The following EXOC4 variants were observed in gnomAD, a reference collection of about 807,000 sequenced individuals.
The protein encoded by EXOC4 is exocyst complex component 4, also known as SEC8-like 1.
Under a neutral mutation model 107.2 loss-of-function variants are expected in EXOC4, and 71 were observed. The observed-to-expected ratio is 0.66, with a 90% confidence interval of 0.55 to 0.81. The LOEUF is 0.81. Among genes scored for constraint, EXOC4 ranks in the 30% least tolerant of loss-of-function variants. The probability of loss-of-function intolerance (pLI) is 0.00; values close to 1 mark genes in which losing one functional copy is unlikely to be tolerated. For synonymous variants in EXOC4, 456 were observed against 441.2 expected, an observed-to-expected ratio of 1.03 and a Z score of -0.42; for missense variants, 1,108 against 1,189.6, an observed-to-expected ratio of 0.93 and a Z score of 1.01.
chr7:133,952,459 T>A (rs752859865), intron 14 of EXOC4, among the ~76,000 whole-genome samples: 157 of 152,308 alleles, frequency 1.0e-3, no homozygotes, highest in Non-Finnish European at 6.9e-4. Context: ...TCTGCTAGGA[T>A]CTTAGGAGTG....
intron 10 of EXOC4, among the ~76,000 whole-genome samples, chr7:133,774,893 T>A (rs1585135986): frequency 1.3e-5 from 2 of 151,884 alleles, no homozygotes; most frequent in African/African-American, 4.8e-5. Flanking sequence ...CCCAGCTTGC[T>A]CCCCCGCCCC....
intron 7 of EXOC4, among the ~76,000 whole-genome samples, chr7:133,415,474 G>A (rs1797453750): frequency 6.6e-6 from 1 of 152,062 alleles, no homozygotes; most frequent in African/African-American, 2.4e-5. Flanking sequence ...GTGTGAGGTA[G>A]TATCTCATTG....
chr7:133,481,057 GAAAA>G (rs10686907), intron 9 of EXOC4: 1 of 142,402 alleles, frequency 7.0e-6, no homozygotes, highest in African/African-American at 2.6e-5. Flanking sequence ...CTCAAAAAAA[GAAAA>G]AAAAAAAAAC....
At chr7:133,747,186 T>A (rs764384754) in intron 10 of EXOC4, among the ~76,000 whole-genome samples, 1 of 152,202 alleles carries the variant, frequency 6.6e-6, no homozygotes, top group Non-Finnish European at 1.5e-5. Context: ...GGTCTGAGAC[T>A]TTTCTGAGCC....
intron 7 of EXOC4, among the ~76,000 whole-genome samples, chr7:133,394,960 T>C (rs540305744): frequency 6.6e-6 from 1 of 152,076 alleles, no homozygotes; most frequent in East Asian, 1.9e-4. Flanking sequence ...GAAATTAAAA[T>C]TGCTGTATTT....
At position 133,906,759 on chromosome 7, in the gene EXOC4, A is replaced by G. The variant is rs1366210313; in HGVS notation, c.1872-10824A>G. On this transcript the variant is annotated intron_variant, in intron 12 of 17. Coordinates refer to ENST00000253861, the MANE Select transcript of EXOC4 (RefSeq NM_021807.4). ...TCCCTCCAGATCCGGCAGGGTGTCCACTGTGCTCCTGATCCACCAAGGGGC... is the reference window on the plus strand; with the variant it reads ...TCCCTCCAGATCCGGCAGGGTGTCCGCTGTGCTCCTGATCCACCAAGGGGC... Among the ~76,000 whole-genome samples, 5 of 152,296 alleles carry G rather than the reference A, an allele frequency of 3.3e-5. No homozygotes were observed. The East Asian group carries it at 9.7e-4, about 29-fold the overall frequency.
At chr7:133,400,759 C>T (rs142527246) in intron 7 of EXOC4, among the ~76,000 whole-genome samples, 1 of 152,110 alleles carries the variant, frequency 6.6e-6, no homozygotes, top group African/African-American at 2.4e-5. Context: ...TTGAGGGGCT[C>T]TTGTGCCCTG....
chr7:133,991,710 C>A (rs922835060), intron 14 of EXOC4, among the ~76,000 whole-genome samples: 5 of 152,096 alleles, frequency 3.3e-5, no homozygotes, highest in Non-Finnish European at 7.4e-5. Flanking sequence ...AAAGAAACTG[C>A]CCTTTCCCCA....
intron 9 of EXOC4, among the ~76,000 whole-genome samples, chr7:133,510,347 A>G (rs1799746038): frequency 6.6e-6 from 1 of 152,118 alleles, no homozygotes; most frequent in Non-Finnish European, 1.5e-5. Flanking sequence ...AGTATACTGT[A>G]TTTTGTTTAT....
chr7:133,374,127 A>G (rs1215401883), intron 6 of EXOC4, among the ~76,000 whole-genome samples: 1 of 152,214 alleles, frequency 6.6e-6, no homozygotes, highest in African/African-American at 2.4e-5. Flanking sequence ...AGGTGGCTAA[A>G]TGTACTGACA....
At chr7:133,481,494 A>C (rs550851118) in intron 9 of EXOC4, among the ~76,000 whole-genome samples, 4 of 152,340 alleles carry the variant, frequency 2.6e-5, no homozygotes, top group African/African-American at 9.6e-5. Context: ...AACACTATGA[A>C]GTAACCACTC....
intron 10 of EXOC4, among the ~76,000 whole-genome samples, chr7:133,769,748 C>T (rs1796208748): frequency 6.6e-6 from 1 of 151,772 alleles, no homozygotes; most frequent in South Asian, 2.1e-4. Context: ...AACTTTTTTC[C>T]TTATTCCCTT....
At chr7:133,925,176 C>A (rs979803299) in intron 13 of EXOC4, among the ~76,000 whole-genome samples, 3 of 152,198 alleles carry the variant, frequency 2.0e-5, no homozygotes, top group Non-Finnish European at 2.9e-5. Flanking sequence ...ATATAGAATC[C>A]ATTGCCCTTT....
chr7:133,523,439 C>CT (rs60649774), intron 9 of EXOC4, among the ~76,000 whole-genome samples: 66,378 of 143,198 alleles, frequency 0.46, 15,387 homozygotes, highest in East Asian at 0.61. Flanking sequence ...CCTTTCAGTT[C>CT]TTTTTTTTTT....
chr7:133,523,891 C>A (rs1382072742), intron 9 of EXOC4, among the ~76,000 whole-genome samples: 1 of 151,844 alleles, frequency 6.6e-6, no homozygotes, highest in Non-Finnish European at 1.5e-5. Flanking sequence ...GTGAATAGTG[C>A]CGCAATAAAC....
At chr7:134,085,047 A>G in the EXOC4 span, among the ~76,000 whole-genome samples, 1 of 152,236 alleles carries the variant, frequency 6.6e-6, no homozygotes, top group Non-Finnish European at 1.5e-5. Context: ...TGGTTGAAGT[A>G]TGACTGCTGG....
chr7:133,563,244 T>A (rs183487620), intron 9 of EXOC4, among the ~76,000 whole-genome samples: 1 of 152,326 alleles, frequency 6.6e-6, no homozygotes, highest in Non-Finnish European at 1.5e-5. Context: ...GGTTTTTTTT[T>A]AATTATTAAA....
At chr7:133,618,862 G>T (rs1050446111) in intron 9 of EXOC4, among the ~76,000 whole-genome samples, 11 of 152,120 alleles carry the variant, frequency 7.2e-5, no homozygotes, top group African/African-American at 2.4e-4. Context: ...TGTACAACAA[G>T]TAATATTATA....
chr7:133,993,897 A>G (rs1264265697), intron 14 of EXOC4, among the ~76,000 whole-genome samples: 2 of 152,370 alleles, frequency 1.3e-5, no homozygotes, highest in South Asian at 2.1e-4. Flanking sequence ...TGGACAGACT[A>G]TGACACACGA....
Sources: gnomAD v4.1 joint callset for allele counts (sites outside exome capture counted in the v4.1 genomes callset) on GRCh38, gnomAD v4.1.1 for gene constraint, MANE v1.5 for transcripts, NCBI Gene and HGNC (gene_info 2026-07-23, HGNC 2026-07-21) for gene names.